The following ST8SIA1 variants were observed in gnomAD, a reference collection of about 807,000 sequenced individuals.
The protein encoded by ST8SIA1 is alpha-N-acetylneuraminide alpha-2,8-sialyltransferase.
A neutral mutation model predicts 35.9 loss-of-function variants in ST8SIA1; 16 were observed. The ratio of observed to expected loss-of-function variants is 0.45; its 90% confidence interval spans 0.30 to 0.68. The LOEUF is 0.68. ST8SIA1 is among the 30% of genes least tolerant of loss of function. ST8SIA1 has a pLI of 0.09. For missense variants in ST8SIA1, 383 were observed against 453.6 expected (o/e 0.84, Z 1.41); for synonymous variants, 170 against 169.6 (o/e 1.00, Z -0.02).
At chr12:22,266,393 A>G (rs771216091) in intron 2 of ST8SIA1, among the ~76,000 whole-genome samples, 1 of 152,074 alleles carries the variant, frequency 6.6e-6, no homozygotes, top group Non-Finnish European at 1.5e-5. Flanking sequence ...AATACTTCAG[A>G]GACTTCCAAA....
chr12:22,232,435 C>T (rs191307601), intron 4 of ST8SIA1, among the ~76,000 whole-genome samples: 2 of 152,214 alleles, frequency 1.3e-5, no homozygotes, highest in East Asian at 3.9e-4. Context: ...AATGGAGTTT[C>T]CATTTCTTTG....
At chr12:22,207,929 G>C (rs1226280681) in intron 4 of ST8SIA1, among the ~76,000 whole-genome samples, 1 of 152,004 alleles carries the variant, frequency 6.6e-6, no homozygotes, top group East Asian at 1.9e-4. Flanking sequence ...CAGATCACGA[G>C]GTCAGGAGTT....
Position 22,209,143 on chromosome 12 carries a change from T to C in ST8SIA1, c.585-7105A>G, listed in dbSNP as rs944112885. On this transcript the variant is annotated intron_variant, in intron 4 of 4. Transcript: ENST00000396037. ...ATGAAAGTCTTCTACAAACATATTT[T>C]TAAAGAGACAAGCAGCAGATTGGGA... 4.6e-5 allele frequency among the ~76,000 whole-genome samples: 7 copies of C among 152,088 alleles called. No individual in the cohort carries two copies. In the East Asian group the frequency reaches 1.3e-3, roughly 29 times the overall value.
intron 4 of ST8SIA1, among the ~76,000 whole-genome samples, chr12:22,226,273 G>A (rs1565571603): frequency 6.6e-6 from 1 of 152,170 alleles, no homozygotes; most frequent in Non-Finnish European, 1.5e-5. Flanking sequence ...GAAATTTAGT[G>A]ATAGGGAAAA....
intron 4 of ST8SIA1, among the ~76,000 whole-genome samples, chr12:22,231,106 T>C (rs1591829710): frequency 1.3e-5 from 2 of 148,516 alleles, no homozygotes; most frequent in South Asian, 2.1e-4. Context: ...ATATACTTTA[T>C]AGATATAATT....
At chr12:22,264,316 A>G (rs2284854) in intron 2 of ST8SIA1, among the ~76,000 whole-genome samples, 15,446 of 152,082 alleles carry the variant, frequency 0.1, 967 homozygotes, top group African/African-American at 0.18. Context: ...CAACTCTCCA[A>G]CAATACTCCT....
At position 22,247,609 on chromosome 12, in the gene ST8SIA1, A is replaced by G. The variant is rs145577566; in HGVS notation, c.584+1397T>C. On this transcript the variant is annotated intron_variant, in intron 4 of 4. Transcript: ENST00000396037. ...ACATGGATTACATTTCTAAATATATACTATAAATGCATTAGAAACATTCAG... is the reference window on the plus strand; with the variant it reads ...ACATGGATTACATTTCTAAATATATGCTATAAATGCATTAGAAACATTCAG... Among the ~76,000 whole-genome samples, 810 of 152,240 alleles carry G rather than the reference A, an allele frequency of 5.3e-3. 10 individuals are homozygous for G. The highest frequency in any genetic ancestry group is 6.9e-3 in the Non-Finnish European group (466 of 68,000).
At chr12:22,206,858 C>A (rs1402558886) in intron 4 of ST8SIA1, among the ~76,000 whole-genome samples, 2 of 152,172 alleles carry the variant, frequency 1.3e-5, no homozygotes, top group Admixed American at 1.3e-4. Flanking sequence ...CAGAGGAAAC[C>A]TCTTAAACAT....
rs1865024965 is a variant in ST8SIA1, at chr12:22,199,262, T to G, written c.*2290A>C. The G allele has an allele frequency of 6.6e-6, 1 of 151,820 alleles. No individual in the cohort carries two copies. Among genetic ancestry groups the G allele is most frequent in the South Asian group, 2.1e-4 (1 of 4,794 alleles). 9.4% of individuals were successfully genotyped at this position (151,820 alleles called of 1,614,324 possible). The stretch of plus-strand genomic sequence containing the variant: ...CCTCCACTTCCTGGGTTTAAGAGAT[T>G]CTAGTCCAGATGATATTTTCAATGG... On this transcript the variant is annotated 3_prime_UTR_variant, in exon 5 of 5. Transcript: ENST00000396037.
At chr12:22,324,807 G>T (rs1866654074) in intron 1 of ST8SIA1, 2 of 151,930 alleles carry the variant, frequency 1.3e-5, no homozygotes, top group Admixed American at 1.3e-4. Flanking sequence ...ACATAAATTT[G>T]TCAGCAGCAT....
At chr12:22,316,679 C>G (rs73089206) in intron 1 of ST8SIA1, among the ~76,000 whole-genome samples, 3,597 of 151,976 alleles carry the variant, frequency 0.024, 107 homozygotes, top group South Asian at 0.16. Flanking sequence ...AGTCATAAGA[C>G]AAATTGAGAA....
At chr12:22,255,530 A>C (rs1865720110) in intron 2 of ST8SIA1, 141 bp from the exon 3 acceptor site, 2 of 759,880 alleles carry the variant, frequency 2.6e-6, no homozygotes, top group South Asian at 3.3e-5. Context: ...GAAAGATGCC[A>C]AGAAGTTTGT....
Position 22,333,924 on chromosome 12 carries a change from C to G in ST8SIA1, c.236+73G>C, listed in dbSNP as rs551356339. ...CTGCGAGACGGTGCAAGGCGGTCCT[C>G]GCCGGTGACCCTGTCCTCTGCACTC... On this transcript the variant is annotated intron_variant, in intron 1 of 4. Transcript: ENST00000396037. 146 of 1,361,778 alleles carry G rather than the reference C, an allele frequency of 1.1e-4. 1 individual carries two copies. In the South Asian group the frequency reaches 1.2e-3, roughly 11 times the overall value. The allele number at this position is 1,361,778 out of a possible 1,614,324, so 84.4% of individuals were successfully genotyped here. A position where few individuals can be genotyped will look rare whatever the true frequency, so the allele number is the denominator to read the frequency against.
intron 1 of ST8SIA1, among the ~76,000 whole-genome samples, chr12:22,323,353 T>C (rs945992740): frequency 2.0e-5 from 3 of 152,150 alleles, no homozygotes; most frequent in Non-Finnish European, 4.4e-5. Flanking sequence ...AGCCAAAGAT[T>C]TTCTATGAAC....
intron 1 of ST8SIA1, among the ~76,000 whole-genome samples, chr12:22,299,284 T>C (rs575629368): frequency 4.6e-5 from 7 of 152,210 alleles, no homozygotes; most frequent in Admixed American, 6.5e-5. Flanking sequence ...AACTGTTGTA[T>C]ATAAAACAAG....
chr12:22,282,873 T>G (rs951835583), intron 2 of ST8SIA1, among the ~76,000 whole-genome samples: 1 of 152,012 alleles, frequency 6.6e-6, no homozygotes, highest in South Asian at 2.1e-4. Flanking sequence ...TGGAAAAAAC[T>G]ACCAAATTCT....
At chr12:22,260,793 T>A (rs918553195) in intron 2 of ST8SIA1, among the ~76,000 whole-genome samples, 3 of 151,974 alleles carry the variant, frequency 2.0e-5, no homozygotes, top group African/African-American at 7.2e-5. Flanking sequence ...TAGGGGAAAG[T>A]TAGTATTTTG....
At chr12:22,296,051 T>A (rs1866239068) in intron 1 of ST8SIA1, among the ~76,000 whole-genome samples, 1 of 152,200 alleles carries the variant, frequency 6.6e-6, no homozygotes, top group South Asian at 2.1e-4. Context: ...GATAGTGGTC[T>A]GTTTTGGGGG....
rs1865007928 is a variant in ST8SIA1, at chr12:22,197,971, T to C, written c.*3581A>G. On this transcript the variant is annotated 3_prime_UTR_variant, in exon 5 of 5. Transcript: ENST00000396037. The stretch of plus-strand genomic sequence containing the variant: ...TTGGCAAAATCCTCTATACAAAGCA[T>C]ATGTGTCTGTGAGTCATTGTCCATA... 1 of 152,194 alleles carries C rather than the reference T, an allele frequency of 6.6e-6. No homozygotes were observed. Among genetic ancestry groups the C allele is most frequent in the African/African-American group, 2.4e-5 (1 of 41,438 alleles). The allele number at this position is 152,194 out of a possible 1,614,324, so 9.4% of individuals were successfully genotyped here.
Sources: allele counts gnomAD v4.1 joint callset (sites outside exome capture counted in the v4.1 genomes callset), GRCh38; gene constraint gnomAD v4.1.1; transcripts MANE v1.5; gene names NCBI Gene and HGNC (gene_info 2026-07-23, HGNC 2026-07-21).